UXS1: variants seen among roughly 807,000 people sequenced by gnomAD.
UXS1 encodes UDP-glucuronate decarboxylase 1.
Under a neutral mutation model 62.6 loss-of-function variants are expected in UXS1, and 33 were observed. That is an observed-to-expected ratio of 0.53 (90% confidence interval 0.40 to 0.70). The LOEUF is 0.70. Ranked by LOEUF, UXS1 falls within the 30% of genes least tolerant of loss-of-function variation. UXS1 has a pLI of 0.00. For synonymous variants in UXS1, 213 were observed against 206.8 expected (o/e 1.03, Z -0.26); for missense variants, 434 against 556.3 (o/e 0.78, Z 2.21).
chr2:106,108,924 G>A (rs374012195), intron 10 of UXS1, among the ~76,000 whole-genome samples: 8 of 152,230 alleles, frequency 5.3e-5, no homozygotes, highest in East Asian at 3.9e-4. Context: ...TGCTAAGTCA[G>A]TTTCACAAGA....
chr2:106,147,855 G>A (rs759517038), intron 5 of UXS1, among the ~76,000 whole-genome samples: 14 of 152,156 alleles, frequency 9.2e-5, no homozygotes, highest in Non-Finnish European at 1.9e-4. Context: ...TTAGAGTTTG[G>A]TTTTTCAGTT....
At chr2:106,172,180 C>A (rs974367630) in intron 1 of UXS1, among the ~76,000 whole-genome samples, 1 of 152,190 alleles carries the variant, frequency 6.6e-6, no homozygotes, top group Non-Finnish European at 1.5e-5. Flanking sequence ...CCTGAGAGGG[C>A]GTGGAGAACC....
intron 6 of UXS1, among the ~76,000 whole-genome samples, chr2:106,141,696 G>A (rs1681110731): frequency 6.6e-6 from 1 of 151,680 alleles, no homozygotes; most frequent in Non-Finnish European, 1.5e-5. Flanking sequence ...CGATCTGCCT[G>A]CCTCAGCCTC....
intron 1 of UXS1, among the ~76,000 whole-genome samples, chr2:106,175,657 G>C (rs1315734457): frequency 6.6e-6 from 1 of 152,156 alleles, no homozygotes; most frequent in Non-Finnish European, 1.5e-5. Flanking sequence ...CGTGAAGTCT[G>C]ACCACGTGAG....
chr2:106,099,968 T>C (rs1677458542), intron 12 of UXS1, among the ~76,000 whole-genome samples: 1 of 152,210 alleles, frequency 6.6e-6, no homozygotes, highest in Non-Finnish European at 1.5e-5. Flanking sequence ...TGCAATGTAT[T>C]TGAGATGGCT....
chr2:106,176,852 A>C (rs1042117040), intron 1 of UXS1, among the ~76,000 whole-genome samples: 1 of 152,220 alleles, frequency 6.6e-6, no homozygotes, highest in African/African-American at 2.4e-5. Flanking sequence ...CCAGGAAGCC[A>C]GAACTCCAAT....
chr2:106,175,313 C>CT (rs1374798774), intron 1 of UXS1, among the ~76,000 whole-genome samples: 1 of 152,202 alleles, frequency 6.6e-6, no homozygotes, highest in East Asian at 1.9e-4. Context: ...TCAAGCTTTT[C>CT]TGAACATGTG....
At chr2:106,099,395 T>C (rs181348549) in intron 12 of UXS1, among the ~76,000 whole-genome samples, 9 of 152,304 alleles carry the variant, frequency 5.9e-5, no homozygotes, top group African/African-American at 2.2e-4. Context: ...GCCCTCATCA[T>C]AAGAGACCAC....
chr2:106,193,495 G>A (rs1167063931), intron 1 of UXS1, among the ~76,000 whole-genome samples: 3 of 152,000 alleles, frequency 2.0e-5, no homozygotes, highest in Admixed American at 6.6e-5. Flanking sequence ...CCCGCGCACA[G>A]AGAAGCTGCA....
chr2:106,143,601 GT>G (rs548769450), intron 6 of UXS1, among the ~76,000 whole-genome samples: 2 of 152,034 alleles, frequency 1.3e-5, no homozygotes, highest in Non-Finnish European at 2.9e-5. Flanking sequence ...GGCTCAGCTG[GT>G]TCTCAGCTCT....
At chr2:106,096,990 G>A (rs1677169789) in intron 13 of UXS1, 169 bp from the exon 14 acceptor site, 1 of 738,232 alleles carries the variant, frequency 1.4e-6, no homozygotes, top group East Asian at 2.8e-5. Context: ...TGTTCTGCGT[G>A]GAAGTCCAGG....
At chr2:106,137,354 C>T (rs1355753274) in intron 6 of UXS1, among the ~76,000 whole-genome samples, 1 of 152,212 alleles carries the variant, frequency 6.6e-6, no homozygotes, top group East Asian at 1.9e-4. Context: ...CGGGTCAGTT[C>T]CTGCTACACC....
intron 9 of UXS1, among the ~76,000 whole-genome samples, chr2:106,114,875 T>C (rs1304248353): frequency 2.0e-5 from 3 of 152,158 alleles, no homozygotes. Flanking sequence ...CTAAACTCCT[T>C]ACATGAAATA....
intron 11 of UXS1, chr2:106,102,129 T>A (rs1677648444): frequency 6.6e-6 from 1 of 152,260 alleles, no homozygotes. Flanking sequence ...GCGTATTTCA[T>A]ATGAACATGC....
intron 9 of UXS1, among the ~76,000 whole-genome samples, chr2:106,119,635 A>G (rs1679360021): frequency 6.6e-6 from 1 of 152,212 alleles, no homozygotes. Flanking sequence ...CGCTGTGCTC[A>G]GAACACAGTC....
Position 106,093,779 on chromosome 2 carries a change from ATACGCAGAGATGCATC to A in UXS1, c.*231_*246del. On this transcript the variant is annotated 3_prime_UTR_variant, in exon 15 of 15. Transcript: ENST00000283148. ...CACAGCAAGATAAAAAAACTTGAAAATACGCAGAGATGCATCTACGCTATTTTACATAAAAAGAGAG... is the reference window on the plus strand; with the variant it reads ...CACAGCAAGATAAAAAAACTTGAAAATACGCTATTTTACATAAAAAGAGAG... 1 of 407,354 alleles carries A rather than the reference ATACGCAGAGATGCATC, an allele frequency of 2.5e-6. No homozygotes were observed. Among genetic ancestry groups the A allele is most frequent in the Non-Finnish European group, 4.2e-6 (1 of 237,004 alleles). 25.2% of individuals were successfully genotyped at this position (407,354 alleles called of 1,614,324 possible). A position where few individuals can be genotyped will look rare whatever the true frequency, so the allele number is the denominator to read the frequency against.
chr2:106,098,195 C>G lies in UXS1; in HGVS notation c.1042+521G>C, dbSNP rs139093869. Among the ~76,000 whole-genome samples, 800 of 152,364 alleles carry G rather than the reference C, an allele frequency of 5.3e-3. 9 individuals carry two copies. The highest frequency in any genetic ancestry group is 0.018 in the African/African-American group (735 of 41,572). ...AGATGAGGCCAAGGGCTCATCCACTCTATGTCTGCAATCCAGGGCTGGTCT... is the reference window on the plus strand; with the variant it reads ...AGATGAGGCCAAGGGCTCATCCACTGTATGTCTGCAATCCAGGGCTGGTCT... On this transcript the variant is annotated intron_variant, in intron 13 of 14. Coordinates refer to ENST00000283148, the MANE Select transcript of UXS1 (RefSeq NM_001253875.2).
At chr2:106,113,151 A>T (rs1362815421) in intron 9 of UXS1, among the ~76,000 whole-genome samples, 1 of 152,218 alleles carries the variant, frequency 6.6e-6, no homozygotes, top group African/African-American at 2.4e-5. Context: ...CACATAATAT[A>T]TTGTGCAAAT....
chr2:106,179,363 T>C (rs1224457006), intron 1 of UXS1, among the ~76,000 whole-genome samples: 2 of 152,090 alleles, frequency 1.3e-5, no homozygotes, highest in African/African-American at 2.4e-5. Flanking sequence ...CTCTGTCATC[T>C]TTCCCAACCC....
Sources: gnomAD v4.1 joint callset for allele counts (sites outside exome capture counted in the v4.1 genomes callset) on GRCh38, gnomAD v4.1.1 for gene constraint, MANE v1.5 for transcripts, NCBI Gene and HGNC (gene_info 2026-07-23, HGNC 2026-07-21) for gene names.